The following PTGIS variants were observed in gnomAD, a reference collection of about 807,000 sequenced individuals.
PTGIS encodes prostacyclin synthase.
In PTGIS, 45 loss-of-function variants were observed where a neutral mutation model predicts 50.3. The ratio of observed to expected loss-of-function variants is 0.90; its 90% CI spans 0.70 to 1.15. PTGIS has a LOEUF of 1.15. Ranked by LOEUF, PTGIS falls within the 50% of genes most tolerant of loss-of-function variation. PTGIS has a pLI of 0.00. For missense variants in PTGIS, 668 were observed against 661.3 expected (o/e 1.01, Z -0.11); for synonymous variants, 260 against 267.7 (o/e 0.97, Z 0.28).
Position 49,552,137 on chromosome 20 carries a change from G to A in PTGIS, c.75-1948C>T, listed in dbSNP as rs1222542803. Among the ~76,000 whole-genome samples the A allele has an allele frequency of 2.6e-5, 4 of 151,434 alleles. No individual in the cohort carries two copies. In the East Asian group the frequency reaches 7.7e-4, roughly 29 times the overall value. On this transcript the variant is annotated intron_variant, in intron 1 of 9. Transcript: ENST00000244043. ...CTCAGATCTTAAACTGATTGTTTTT[G>A]TATTGCGTTATCTGATTTCTTTTTT...
intron 6 of PTGIS, among the ~76,000 whole-genome samples, chr20:49,517,143 G>C (rs528627121): frequency 7.9e-5 from 12 of 152,148 alleles, no homozygotes; most frequent in Non-Finnish European, 1.8e-4. Context: ...AAAACAAGTC[G>C]GGGGGGCCTC....
intron 1 of PTGIS, among the ~76,000 whole-genome samples, chr20:49,558,331 A>T (rs1476376756): frequency 6.6e-6 from 1 of 152,186 alleles, no homozygotes. Flanking sequence ...GGAAGCTATA[A>T]TGAGCTGTGA....
intron 1 of PTGIS, among the ~76,000 whole-genome samples, chr20:49,561,294 A>G (rs1982767911): frequency 6.6e-6 from 1 of 152,092 alleles, no homozygotes; most frequent in Non-Finnish European, 1.5e-5. Context: ...GAAGGATGGG[A>G]GCAGAAGCAA....
intron 4 of PTGIS, among the ~76,000 whole-genome samples, chr20:49,541,738 A>G (rs2122879666): frequency 6.6e-6 from 1 of 152,308 alleles, no homozygotes; most frequent in Non-Finnish European, 1.5e-5. Flanking sequence ...TGTCTTTAAA[A>G]TAAAATAAAA....
In PTGIS at chr20:49,568,130, G is replaced by GGGCTGGCGA. The variant is rs1241664317; in HGVS notation, c.-15_-14insTCGCCAGCC. 1 of 1,170,654 alleles carries GGGCTGGCGA rather than the reference G, an allele frequency of 8.5e-7. No homozygotes were observed. The highest frequency in any genetic ancestry group is 1.1e-6 in the Non-Finnish European group (1 of 904,798). The allele number at this position is 1,170,654 out of a possible 1,614,324, so 72.5% of individuals were successfully genotyped here. ...GGCCCAAGCCATCGCGGGGCTGGCG[G>GGGCTGGCGA]GGCTGGCGGGGCTGGCGGGGCTGGC... On this transcript the variant is annotated 5_prime_UTR_variant, in exon 1 of 10. Coordinates refer to ENST00000244043, the MANE Select transcript of PTGIS (RefSeq NM_000961.4).
At chr20:49,550,369 C>T (rs1982475706) in intron 1 of PTGIS, among the ~76,000 whole-genome samples, 180 bp from the exon 2 acceptor site, 1 of 152,210 alleles carries the variant, frequency 6.6e-6, no homozygotes, top group South Asian at 2.1e-4. Flanking sequence ...CACCCTCCCT[C>T]TTTCCCCTCC....
Position 49,514,236 on chromosome 20 carries a change from G to T in PTGIS, c.1015C>A (p.Pro339Thr). 1.9e-6 allele frequency: 3 copies of T among 1,613,870 alleles called. No individual in the cohort carries two copies. The highest frequency in any genetic ancestry group is 2.5e-6 in the Non-Finnish European group (3 of 1,180,034). ...TLPQKVLDSTPVLDSVLSESL... is the reference protein window; with the variant it reads ...TLPQKVLDSTTVLDSVLSESL... ...GGTCTGACGATCTCACCAAGCACAG[G>T]TGTGCTGTCTAGAACCTTCTGTGGG... Residue 339 changes from proline to threonine, a missense_variant, in exon 7 of 10, where the codon CCT becomes ACT. Physicochemically the swap from Pro to Thr is conservative, Grantham distance 38 (BLOSUM62 -1). Transcript: ENST00000244043.
At chr20:49,544,479 G>A in intron 3 of PTGIS, 31 bp from the exon 4 acceptor site, 1 of 1,613,838 alleles carries the variant, frequency 6.2e-7, no homozygotes, top group South Asian at 1.1e-5. Context: ...ATGAAAATTT[G>A]GCTTCCAAAG....
chr20:49,507,782 C>A lies in PTGIS; in HGVS notation c.*138G>T, dbSNP rs1008536149. On this transcript the variant is annotated 3_prime_UTR_variant, in exon 10 of 10. Transcript: ENST00000244043. ...TAGCTTTTCCCTCCCCTGGACCCAG[C>A]CTTCTGGGAGAAAAGCAGGGAAGTG... The A allele has an allele frequency of 2.4e-5, 29 of 1,213,708 alleles. No homozygotes were observed. The highest frequency in any genetic ancestry group is 2.6e-4 in the Middle Eastern group (1 of 3,828). The allele number at this position is 1,213,708 out of a possible 1,614,324, so 75.2% of individuals were successfully genotyped here.
intron 6 of PTGIS, among the ~76,000 whole-genome samples, chr20:49,517,699 C>T (rs1390021837): frequency 6.6e-6 from 1 of 152,228 alleles, no homozygotes; most frequent in Non-Finnish European, 1.5e-5. Flanking sequence ...GGCCAGACCA[C>T]ACCCTTGGTG....
chr20:49,564,438 A>G (rs1484677014), intron 1 of PTGIS, among the ~76,000 whole-genome samples: 1 of 152,078 alleles, frequency 6.6e-6, no homozygotes, highest in Non-Finnish European at 1.5e-5. Context: ...TTTTTAGTAG[A>G]GACGGGGTTT....
At chr20:49,544,469 A>G in intron 3 of PTGIS, 21 bp from the exon 4 acceptor site, 2 of 1,614,122 alleles carry the variant, frequency 1.2e-6, no homozygotes, top group East Asian at 2.2e-5. Flanking sequence ...AAACAAAAGC[A>G]TGAAAATTTG....
rs201673445 is a variant in PTGIS at position 49,550,080 on chromosome 20, C to T, written c.184G>A (p.Gly62Ser). 94 of 1,614,040 alleles carry T rather than the reference C, an allele frequency of 5.8e-5. No individual in the cohort carries two copies. Among genetic ancestry groups the T allele is most frequent in the Admixed American group, 2.5e-4 (15 of 60,006 alleles). ...SFLTRMKEKH[G>S]DIFTILVGGR... ...GAGGCACTTACAGTAAAGATGTCAC[C>T]GTGCTTCTCCTTCATCCTCGTGAGG... The change falls in exon 2 of 10, where the codon GGT becomes AGT. Residue 62 changes from glycine to serine, a missense_variant. Physicochemically the swap from Gly to Ser is moderately conservative, Grantham distance 56. Coordinates refer to ENST00000244043, the MANE Select transcript of PTGIS (RefSeq NM_000961.4).
intron 4 of PTGIS, among the ~76,000 whole-genome samples, chr20:49,542,968 A>G (rs1007041401): frequency 1.3e-5 from 2 of 152,208 alleles, no homozygotes; most frequent in African/African-American, 4.8e-5. Flanking sequence ...ACACATATGC[A>G]CACACATATC....
chr20:49,561,814 G>T (rs887667166), intron 1 of PTGIS, among the ~76,000 whole-genome samples: 1 of 152,200 alleles, frequency 6.6e-6, no homozygotes, highest in East Asian at 1.9e-4. Flanking sequence ...CTAGTAGCTG[G>T]GAAGCAGCTG....
At chr20:49,543,331 C>T (rs1982278076) in intron 4 of PTGIS, among the ~76,000 whole-genome samples, 1 of 152,150 alleles carries the variant, frequency 6.6e-6, no homozygotes, top group Admixed American at 6.5e-5. Context: ...GGTCCTCCTG[C>T]CTCCCTCTCC....
rs762953779 is a variant in PTGIS at position 49,513,187 on chromosome 20, T to C, written c.1099A>G (p.Met367Val). 1.2e-6 allele frequency: 2 copies of C among 1,614,134 alleles called. No homozygotes were observed. The highest frequency in any genetic ancestry group is 2.2e-5 in the East Asian group (1 of 44,884). Residue 367 changes from methionine to valine, a missense_variant, in exon 8 of 10, where the codon ATG becomes GTG. Physicochemically the swap from Met to Val is conservative, Grantham distance 21 (BLOSUM62 1). Coordinates refer to ENST00000244043, the MANE Select transcript of PTGIS (RefSeq NM_000961.4). ...ITREVVVDLA[M>V]PMADGREFNL... ...AATTCTCGCCCGTCTGCCATGGGCA[T>C]GGCCAGGTCCACCACAACCTCGCGG...
At chr20:49,536,478 C>CTTTCTTTCTTTCTTTCTTTTTTTTTTT (rs1555804436) in intron 5 of PTGIS, among the ~76,000 whole-genome samples, 1 of 108,664 alleles carries the variant, frequency 9.2e-6, no homozygotes, top group African/African-American at 4.1e-5. Context: ...TTCTTTCTTT[C>CTTTCTTTCTTTCTTTCTTTTTTTTTTT]TTTTTTTTTT....
At position 49,508,041 on chromosome 20, in the gene PTGIS, T is replaced by C; in HGVS notation, c.1382A>G (p.His461Arg). 1 of 1,613,870 alleles carries C rather than the reference T, an allele frequency of 6.2e-7. No homozygotes were observed. The highest frequency in any genetic ancestry group is 1.1e-5 in the South Asian group (1 of 91,080). ...IKQFVFLVLV[H>R]LDLELINADV... ...TGCGTTGATCAGCTCCAAGTCCAAG[T>C]GCACCAGCACAAGGAACACAAATCT... The change falls in exon 10 of 10, where the codon CAC (histidine) becomes CGC (arginine). Residue 461 changes from histidine (H) to arginine (R), a missense_variant. Physicochemically the swap from His to Arg is conservative, Grantham distance 29. Coordinates refer to ENST00000244043, the MANE Select transcript of PTGIS (RefSeq NM_000961.4).
Sources: allele counts gnomAD v4.1 joint callset (sites outside exome capture counted in the v4.1 genomes callset), GRCh38; gene constraint gnomAD v4.1.1; transcripts MANE v1.5; gene names NCBI Gene and HGNC (gene_info 2026-07-23, HGNC 2026-07-21).